The following FRMD6 variants were observed in gnomAD, a reference collection of about 807,000 sequenced individuals.
FRMD6 encodes FERM domain containing 6, also known as FERM domain-containing protein 6.
A neutral mutation model predicts 73.2 loss-of-function variants in FRMD6; 37 were observed. The observed-to-expected ratio is 0.51, with a 90% CI of 0.39 to 0.66. The LOEUF (loss-of-function observed/expected upper bound fraction) is 0.66. Among genes scored for constraint, FRMD6 ranks in the 30% least tolerant of loss-of-function variants. The probability of loss-of-function intolerance (pLI) is 0.00; values close to 1 mark genes in which losing one functional copy is unlikely to be tolerated. For synonymous variants in FRMD6, 273 were observed against 282.2 expected (o/e 0.97, Z 0.33); for missense variants, 714 against 780.5 (o/e 0.91, Z 1.02).
chr14:51,690,472 G>A (rs1895474419), intron 2 of FRMD6, among the ~76,000 whole-genome samples: 1 of 152,212 alleles, frequency 6.6e-6, no homozygotes, highest in East Asian at 1.9e-4. Flanking sequence ...TGCAACCTCT[G>A]CCTCCTGGGT....
intron 2 of FRMD6, among the ~76,000 whole-genome samples, chr14:51,631,864 G>A (rs1891349313): frequency 6.6e-6 from 1 of 152,176 alleles, no homozygotes; most frequent in South Asian, 2.1e-4. Flanking sequence ...ATGGTGTTTT[G>A]TCGCAACAAA....
chr14:51,667,303 T>TTTAATACTTTATTTAA (rs1438018030), intron 1 of FRMD6, among the ~76,000 whole-genome samples: 3 of 152,164 alleles, frequency 2.0e-5, no homozygotes, highest in African/African-American at 7.2e-5. Flanking sequence ...TACTAGTGGA[T>TTTAATACTTTATTTAA]AGCACCTTTA....
chr14:51,585,939 G>GTGTGTGTGTGTATATATA, intron 2 of FRMD6, among the ~76,000 whole-genome samples: 1 of 31,400 alleles, frequency 3.2e-5, no homozygotes, highest in African/African-American at 6.8e-5. Context: ...GTGTGTGTGT[G>GTGTGTGTGTGTATATATA]TATATATATA....
At chr14:51,416,791 T>A in the FRMD6 span, among the ~76,000 whole-genome samples, 1 of 152,172 alleles carries the variant, frequency 6.6e-6, no homozygotes, top group Non-Finnish European at 1.5e-5. Context: ...GGAGTCTAAG[T>A]CTCTTTGTAG....
chr14:51,624,521 G>A (rs1013516534), intron 2 of FRMD6, among the ~76,000 whole-genome samples: 2 of 152,120 alleles, frequency 1.3e-5, no homozygotes, highest in Admixed American at 6.5e-5. Context: ...CTTTCTTCCT[G>A]GCTTTTAATA....
chr14:51,418,004 G>C, the FRMD6 span, among the ~76,000 whole-genome samples: 1 of 152,070 alleles, frequency 6.6e-6, no homozygotes, highest in Non-Finnish European at 1.5e-5. Flanking sequence ...GGCTCCATCA[G>C]GTCATTTAAG....
the FRMD6 span, among the ~76,000 whole-genome samples, chr14:51,461,144 G>A: frequency 6.6e-6 from 1 of 152,136 alleles, no homozygotes; most frequent in African/African-American, 2.4e-5. Flanking sequence ...TTCCCAGAAA[G>A]ATAAAGCACA....
intron 1 of FRMD6, among the ~76,000 whole-genome samples, chr14:51,547,285 T>G (rs548235158): frequency 6.6e-6 from 1 of 152,310 alleles, no homozygotes; most frequent in African/African-American, 2.4e-5. Context: ...ACAAGTTACA[T>G]AATTCTAACG....
intron 1 of FRMD6, among the ~76,000 whole-genome samples, chr14:51,663,133 G>T (rs1057191085): frequency 2.0e-5 from 3 of 152,222 alleles, no homozygotes; most frequent in Admixed American, 2.0e-4. Context: ...TGGCAAGGTT[G>T]TGGAGGAAAA....
At chr14:51,654,299 C>G (rs1209543770) in intron 1 of FRMD6, among the ~76,000 whole-genome samples, 11 of 81,568 alleles carry the variant, frequency 1.3e-4, no homozygotes, top group African/African-American at 4.8e-4. Context: ...ACTAGGTTAG[C>G]TGAATTGGGG....
chr14:51,461,481 C>T, the FRMD6 span, among the ~76,000 whole-genome samples: 1 of 152,186 alleles, frequency 6.6e-6, no homozygotes, highest in Non-Finnish European at 1.5e-5. Flanking sequence ...ACTATTCAGA[C>T]ATTTGATAGG....
intron 2 of FRMD6, among the ~76,000 whole-genome samples, chr14:51,643,087 T>G (rs1054975353): frequency 1.3e-5 from 2 of 152,326 alleles, no homozygotes; most frequent in Admixed American, 1.3e-4. Context: ...TAGAGTCAGA[T>G]TTCCTAGGTT....
intron 2 of FRMD6, among the ~76,000 whole-genome samples, chr14:51,593,817 G>A (rs1889542993): frequency 6.6e-6 from 1 of 151,914 alleles, no homozygotes; most frequent in Non-Finnish European, 1.5e-5. Flanking sequence ...TATGTTATGT[G>A]TATATATAAA....
chr14:51,702,693 GATAT>G (rs1166607903), intron 5 of FRMD6, 105 bp downstream of exon 5: 1 of 906,818 alleles, frequency 1.1e-6, no homozygotes, highest in East Asian at 2.5e-5. Context: ...TCACCTTTAG[GATAT>G]AAACTCTGTA....
chr14:51,541,680 C>A (rs11847748), intron 1 of FRMD6, among the ~76,000 whole-genome samples: 5,643 of 151,896 alleles, frequency 0.037, 344 homozygotes, highest in African/African-American at 0.12. Flanking sequence ...GCACTAGAAA[C>A]AAAAATTGCT....
intron 1 of FRMD6, among the ~76,000 whole-genome samples, chr14:51,546,415 A>T (rs1299015819): frequency 6.2e-5 from 7 of 112,766 alleles, no homozygotes; most frequent in African/African-American, 1.1e-4. Context: ...TTCTTTTTTT[A>T]AATAGTTCCT....
chr14:51,525,260 A>T (rs1458739033), intron 1 of FRMD6, among the ~76,000 whole-genome samples: 3 of 151,562 alleles, frequency 2.0e-5, no homozygotes, highest in Non-Finnish European at 2.9e-5. Context: ...TTCTTTATTT[A>T]TTTATTTTTA....
chr14:51,454,248 C>T, the FRMD6 span, among the ~76,000 whole-genome samples: 1,158 of 152,318 alleles, frequency 7.6e-3, 11 homozygotes, highest in African/African-American at 0.026. Context: ...TACCTTCTGG[C>T]TTTTAAAATG....
intron 1 of FRMD6, among the ~76,000 whole-genome samples, chr14:51,550,755 T>C (rs1886778226): frequency 6.6e-6 from 1 of 152,238 alleles, no homozygotes; most frequent in African/African-American, 2.4e-5. Flanking sequence ...ATTTTCATCA[T>C]GTCTGTGAAA....
Sources: allele counts gnomAD v4.1 joint callset (sites outside exome capture counted in the v4.1 genomes callset), GRCh38; gene constraint gnomAD v4.1.1; transcripts MANE v1.5; gene names NCBI Gene and HGNC (gene_info 2026-07-23, HGNC 2026-07-21).